Variants in RUFY2 observed in about 807,000 individuals in gnomAD.
RUFY2 encodes RUN and FYVE domain containing 2, also known as RUN and FYVE domain-containing protein 2.
Under a neutral mutation model 94.4 loss-of-function variants are expected in RUFY2, and 49 were observed. The observed-to-expected ratio is 0.52, with a 90% CI of 0.41 to 0.66. RUFY2 has a LOEUF of 0.66. RUFY2 is among the 30% of genes least tolerant of loss of function. RUFY2 has a pLI of 0.00. For synonymous variants in RUFY2, 255 were observed against 235.7 expected (o/e 1.08, Z -0.75); for missense variants, 541 against 692.8 (o/e 0.78, Z 2.46).
At chr10:68,358,126 T>C (rs1359821724) in intron 15 of RUFY2, among the ~76,000 whole-genome samples, 1 of 152,142 alleles carries the variant, frequency 6.6e-6, no homozygotes, top group Non-Finnish European at 1.5e-5. Context: ...AGGCATAGGT[T>C]GCAATGAGCC....
At chr10:68,356,075 A>C (rs1049551791) in intron 15 of RUFY2, among the ~76,000 whole-genome samples, 1 of 152,140 alleles carries the variant, frequency 6.6e-6, no homozygotes, top group Non-Finnish European at 1.5e-5. Context: ...TGACTGATGA[A>C]GTTTAGTCAC....
At chr10:68,359,223 A>G (rs959604340) in intron 15 of RUFY2, among the ~76,000 whole-genome samples, 1 of 151,790 alleles carries the variant, frequency 6.6e-6, no homozygotes, top group Non-Finnish European at 1.5e-5. Flanking sequence ...TACTAAAAAT[A>G]CAAAATTAGC....
At chr10:68,372,948 CA>C (rs1286970312) in intron 13 of RUFY2, among the ~76,000 whole-genome samples, 2 of 151,190 alleles carry the variant, frequency 1.3e-5, no homozygotes, top group South Asian at 2.1e-4. Flanking sequence ...CAGACACACA[CA>C]AAAAAACTTG....
intron 12 of RUFY2, chr10:68,378,738 G>A: frequency 8.6e-7 from 1 of 1,163,846 alleles, no homozygotes; most frequent in Admixed American, 2.5e-5. Flanking sequence ...ATGTAAAAAT[G>A]GGGATAAAGA....
chr10:68,364,160 G>T, intron 13 of RUFY2, 47 bp from the exon 14 acceptor site: 1 of 1,569,116 alleles, frequency 6.4e-7, no homozygotes, highest in Non-Finnish European at 8.7e-7. Flanking sequence ...TTTCTCACAC[G>T]ACAGTTGTTA....
At chr10:68,381,515 G>A (rs2049053901) in intron 10 of RUFY2, 116 bp from the exon 11 acceptor site, 2 of 916,690 alleles carry the variant, frequency 2.2e-6, no homozygotes, top group Admixed American at 2.5e-5. Context: ...TCCACTAAAG[G>A]GAATCAACCA....
chr10:68,370,066 A>G (rs2048149902), intron 13 of RUFY2, among the ~76,000 whole-genome samples: 1 of 152,126 alleles, frequency 6.6e-6, no homozygotes, highest in African/African-American at 2.4e-5. Context: ...GGTGGGTCAC[A>G]TGAGGTCAGG....
At chr10:68,341,733 A>G (rs200462607), downstream of RUFY2, 841 of 1,584,848 alleles carry the variant, frequency 5.3e-4, no homozygotes, top group Non-Finnish European at 6.4e-4. Flanking sequence ...ATGAGTCTCA[A>G]TTTTTTTTCT....
chr10:68,378,572 A>G (rs2048819045), intron 12 of RUFY2: 5 of 1,590,488 alleles, frequency 3.1e-6, no homozygotes, highest in African/African-American at 1.3e-5. Flanking sequence ...TCAGAAAGAT[A>G]TATCTTTAAC....
At chr10:68,381,151 G>T in intron 11 of RUFY2, 81 bp downstream of exon 11, 3 of 1,015,912 alleles carry the variant, frequency 3.0e-6, no homozygotes, top group Non-Finnish European at 4.3e-6. Context: ...AATAAAATGG[G>T]CTCATCTCTT....
chr10:68,341,214 T>C (rs1157686999), downstream of RUFY2: 2 of 1,597,242 alleles, frequency 1.3e-6, no homozygotes, highest in Non-Finnish European at 1.7e-6. Flanking sequence ...CATATTGATA[T>C]TGGAGCTGAT....
chr10:68,367,964 TGTC>T (rs1009130236), intron 13 of RUFY2, among the ~76,000 whole-genome samples: 7 of 150,076 alleles, frequency 4.7e-5, no homozygotes, highest in Non-Finnish European at 8.9e-5. Context: ...TAATGTGGGT[TGTC>T]TTTTTTTTTT....
chr10:68,401,600 C>T lies in RUFY2; in HGVS notation c.296+20G>A. On this transcript the variant is annotated intron_variant, in intron 3 of 17. Coordinates refer to ENST00000602465, the MANE Select transcript of RUFY2 (RefSeq NM_001330103.2). ...ATACACTTCTGTGGCTAGGGATGAA[C>T]AAGTAATAGGCCTCCTTACTTCAGA... The T allele has an allele frequency of 6.9e-7, 1 of 1,447,498 alleles. No individual in the cohort carries two copies. 89.7% of individuals were successfully genotyped at this position (1,447,498 alleles called of 1,614,324 possible).
chr10:68,376,489 T>TATATATAC (rs58358117), intron 13 of RUFY2, among the ~76,000 whole-genome samples: 1 of 51,816 alleles, frequency 1.9e-5, no homozygotes, highest in Non-Finnish European at 4.0e-5. Flanking sequence ...TATATATATA[T>TATATATAC]ATTCTCAGAA....
intron 8 of RUFY2, among the ~76,000 whole-genome samples, chr10:68,384,571 A>G (rs2049337498): frequency 6.6e-6 from 1 of 152,220 alleles, no homozygotes; most frequent in South Asian, 2.1e-4. Flanking sequence ...TTGTGCTATC[A>G]TTGAAAATGT....
chr10:68,393,728 CA>C (rs1177351333), intron 6 of RUFY2: 9,023 of 229,892 alleles, frequency 0.039, no homozygotes, highest in South Asian at 0.078. Context: ...GACTGTGTCT[CA>C]AAAAAAAAAA....
Position 68,403,967 on chromosome 10 carries a change from C to T in RUFY2, c.178+704G>A, listed in dbSNP as rs796970683. On this transcript the variant is annotated intron_variant, in intron 2 of 17. Transcript: ENST00000602465. ...GCTGGGATTACAGGCATTAAGCCACCGTGTCTGGCCAGTCAAGCTTCTTTT... is the reference window on the plus strand; with the variant it reads ...GCTGGGATTACAGGCATTAAGCCACTGTGTCTGGCCAGTCAAGCTTCTTTT... Among the ~76,000 whole-genome samples, 28 of 152,054 alleles carry T rather than the reference C, an allele frequency of 1.8e-4. 3 individuals carry two copies. Among genetic ancestry groups the T allele is most frequent in the African/African-American group, 6.3e-4 (26 of 41,484 alleles).
At chr10:68,352,519 C>T (rs987606909) in intron 16 of RUFY2, among the ~76,000 whole-genome samples, 1 of 152,108 alleles carries the variant, frequency 6.6e-6, no homozygotes, top group African/African-American at 2.4e-5. Context: ...AAAATAATGA[C>T]GTAACCAAGT....
At chr10:68,406,699 C>G (rs1032241278) in intron 1 of RUFY2, 6 of 1,480,782 alleles carry the variant, frequency 4.1e-6, no homozygotes, top group East Asian at 2.5e-5. Flanking sequence ...CCCCTCCCCC[C>G]AGCAAGGCTG....
Sources: allele counts gnomAD v4.1 joint callset (sites outside exome capture counted in the v4.1 genomes callset), GRCh38; gene constraint gnomAD v4.1.1; transcripts MANE v1.5; gene names NCBI Gene and HGNC (gene_info 2026-07-23, HGNC 2026-07-21).